The following PCDHGA5 variants were observed in gnomAD, a reference collection of about 807,000 sequenced individuals.
The protein encoded by PCDHGA5 is protocadherin gamma-A5.
Under a neutral mutation model 56.7 loss-of-function variants are expected in PCDHGA5, and 36 were observed. That is an observed-to-expected ratio of 0.64 (90% CI 0.49 to 0.84). The LOEUF is 0.84. Among genes scored for constraint, PCDHGA5 ranks in the 40% least tolerant of loss-of-function variants. The pLI is 0.00. For missense variants in PCDHGA5, 1,305 were observed against 1,201.5 expected, an observed-to-expected ratio of 1.09 and a Z score of -1.27; for synonymous variants, 563 against 520.2, an observed-to-expected ratio of 1.08 and a Z score of -1.12.
rs371964437 is a variant in PCDHGA5, at chr5:141,511,404, C to T, written c.*231C>T. On this transcript the variant is annotated 3_prime_UTR_variant, in exon 4 of 4. Coordinates refer to ENST00000518069, the MANE Select transcript of PCDHGA5 (RefSeq NM_018918.3). ...CCGCTGGGAACCCCCATCCAATCAA[C>T]TGCTGTACCCATGGGGGTAGTGGGG... The T allele has an allele frequency of 7.7e-5, 73 of 947,014 alleles. No individual in the cohort carries two copies. In the East Asian group the frequency reaches 1.8e-3, roughly 23 times the overall value. The allele number at this position is 947,014 out of a possible 1,614,324, so 58.7% of individuals were successfully genotyped here.
chr5:141,399,362 C>T (rs182743080), intron 1 of PCDHGA5: 5 of 1,613,990 alleles, frequency 3.1e-6, no homozygotes, highest in East Asian at 2.2e-5. Context: ...GAGCAAACCC[C>T]GGAGTACAAT....
chr5:141,415,920 G>T, intron 1 of PCDHGA5: 1 of 692,798 alleles, frequency 1.4e-6, no homozygotes, highest in Non-Finnish European at 2.0e-6. Context: ...AGAAGTGCCT[G>T]TCAATTTATA....
chr5:141,385,256 A>G lies in PCDHGA5; in HGVS notation c.2421+18505A>G, dbSNP rs779090806. On this transcript the variant is annotated intron_variant, in intron 1 of 3. Transcript: ENST00000518069. Reference sequence around the variant, plus strand: ...ATGCTCATCAGCCAGGAGAGCTGTGAGAAAAATGATTCTTTGCTAACATCC... The same window carrying G: ...ATGCTCATCAGCCAGGAGAGCTGTGGGAAAAATGATTCTTTGCTAACATCC... 7 of 1,613,794 alleles carry G rather than the reference A, an allele frequency of 4.3e-6. No homozygotes were observed. In the Admixed American group the frequency reaches 1.0e-4, roughly 23 times the overall value.
At chr5:141,430,808 G>A in intron 1 of PCDHGA5, 1 of 1,526,682 alleles carries the variant, frequency 6.6e-7, no homozygotes, top group East Asian at 2.3e-5. Flanking sequence ...TGTCCTGCTG[G>A]GAATCCTCCT....
chr5:141,487,491 C>A lies in PCDHGA5; in HGVS notation c.2422-7316C>A. On this transcript the variant is annotated intron_variant, in intron 1 of 3. Transcript: ENST00000518069. This position sits in a 1 kb window ranked among gnomAD's most constrained non-coding sequence, Gnocchi z 5.0. The stretch of plus-strand genomic sequence containing the variant: ...GTGGGAGGCCACTCTCATGGCTGTA[C>A]ACCCTTGGCTTCTGCACCCACTCGG... The A allele has an allele frequency of 6.2e-7, 1 of 1,614,204 alleles. No individual in the cohort carries two copies. The highest frequency in any genetic ancestry group is 8.5e-7 in the Non-Finnish European group (1 of 1,180,034).
At position 141,364,360 on chromosome 5, in the gene PCDHGA5, C is replaced by G. The variant is rs200312693; in HGVS notation, c.30C>G (p.Cys10Trp). 3.8e-6 allele frequency: 6 copies of G among 1,558,464 alleles called. No individual in the cohort carries two copies. The highest frequency in any genetic ancestry group is 1.7e-4 in the Middle Eastern group (1 of 5,766). The change falls in exon 1 of 4, where the codon TGC becomes TGG. Residue 10 changes from cysteine (C) to tryptophan (W), a missense_variant. Coordinates refer to ENST00000518069, the MANE Select transcript of PCDHGA5 (RefSeq NM_018918.3). ...CGAGTCCACCTAGGGGCTGGGGCTGCGGAGAGCTGCTGCTGCCCTTCATGC... is the reference window on the plus strand; with the variant it reads ...CGAGTCCACCTAGGGGCTGGGGCTGGGGAGAGCTGCTGCTGCCCTTCATGC... MASPPRGWG[C>W]GELLLPFMLL...
intron 1 of PCDHGA5, chr5:141,390,054 T>G (rs763200251): frequency 6.2e-7 from 1 of 1,614,070 alleles, no homozygotes; most frequent in Non-Finnish European, 8.5e-7. Context: ...CTCCTGGAGC[T>G]GCTTCCAGCC....
chr5:141,379,662 C>T (rs995589385), intron 1 of PCDHGA5: 1 of 152,126 alleles, frequency 6.6e-6, no homozygotes, highest in Non-Finnish European at 1.5e-5. Flanking sequence ...TCTACTCTCA[C>T]AAAAGTCATT....
At chr5:141,394,277 T>C (rs1209758237) in intron 1 of PCDHGA5, 1 of 1,613,946 alleles carries the variant, frequency 6.2e-7, no homozygotes, top group South Asian at 1.1e-5. Flanking sequence ...CCCAGGTCAC[T>C]TACTCTGTGA....
At chr5:141,394,530 A>C in intron 1 of PCDHGA5, 1 of 1,614,140 alleles carries the variant, frequency 6.2e-7, no homozygotes, top group African/African-American at 1.3e-5. Flanking sequence ...AGACGGTTCC[A>C]CTGGCGTGGA....
At chr5:141,414,137 T>C in intron 1 of PCDHGA5, 1 of 1,595,618 alleles carries the variant, frequency 6.3e-7, no homozygotes, top group South Asian at 1.1e-5. Context: ...TTCTATGAAA[T>C]AGAAATACAA....
chr5:141,375,428 C>T, intron 1 of PCDHGA5: 1 of 1,613,984 alleles, frequency 6.2e-7, no homozygotes, highest in Non-Finnish European at 8.5e-7. Flanking sequence ...CAACGACAAC[C>T]CGCCCACCTT....
chr5:141,365,687 C>T lies in PCDHGA5; in HGVS notation c.1357C>T (p.Pro453Ser). Reference protein sequence around the residue: ...ADVNDNPPNFPQASYSTSVTE... With the variant: ...ADVNDNPPNFSQASYSTSVTE... ...CGTTAATGACAACCCACCCAATTTCCCTCAAGCCTCCTACTCCACCTCTGT... is the reference window on the plus strand; with the variant it reads ...CGTTAATGACAACCCACCCAATTTCTCTCAAGCCTCCTACTCCACCTCTGT... Residue 453 changes from proline (P) to serine (S), a missense_variant, in exon 1 of 4, where the codon CCT (proline) becomes TCT (serine). By Grantham distance (74) the Pro-to-Ser change is moderately conservative. Coordinates refer to ENST00000518069, the MANE Select transcript of PCDHGA5 (RefSeq NM_018918.3). The T allele has an allele frequency of 6.2e-7, 1 of 1,613,530 alleles. No individual in the cohort carries two copies. The highest frequency in any genetic ancestry group is 8.5e-7 in the Non-Finnish European group (1 of 1,179,810).
At position 141,389,543 on chromosome 5, in the gene PCDHGA5, C is replaced by A. The variant is rs550025687; in HGVS notation, c.2421+22792C>A. 5.6e-6 allele frequency: 9 copies of A among 1,613,282 alleles called. No individual in the cohort carries two copies. In the East Asian group the frequency reaches 6.7e-5, roughly 12 times the overall value. ...GCCTGCGCGTGTTAGTGGACGACCG[C>A]AACGACAATGCGCCACGGGTGCTGT... On this transcript the variant is annotated intron_variant, in intron 1 of 3. Transcript: ENST00000518069.
At chr5:141,368,943 C>G (rs1765943914) in intron 1 of PCDHGA5, among the ~76,000 whole-genome samples, 1 of 152,178 alleles carries the variant, frequency 6.6e-6, no homozygotes, top group South Asian at 2.1e-4. Context: ...ATTCTGGTTA[C>G]TGTGAGTAGT....
rs748223478 is a variant in PCDHGA5 at position 141,415,687 on chromosome 5, G to T, written c.2421+48936G>T. ...TTACTTTGAAGTTTGCGGCATGATG[G>T]TGGAAAGTGTAAATGCTAAAACACT... On this transcript the variant is annotated intron_variant, in intron 1 of 3. Coordinates refer to ENST00000518069, the MANE Select transcript of PCDHGA5 (RefSeq NM_018918.3). 1.1e-5 allele frequency: 17 copies of T among 1,535,300 alleles called. No individual in the cohort carries two copies. In the South Asian group the frequency reaches 1.3e-4, roughly 12 times the overall value.
rs71576115 is a variant in PCDHGA5 at position 141,463,438 on chromosome 5, C to CTTTT, written c.2422-31344_2422-31341dup. Among the ~76,000 whole-genome samples, 106 of 103,254 alleles carry CTTTT rather than the reference C, an allele frequency of 1.0e-3. 8 individuals are homozygous for CTTTT. Among genetic ancestry groups the CTTTT allele is most frequent in the African/African-American group, 3.9e-3 (88 of 22,404 alleles). The allele number at this position is 103,254 out of a possible 152,430, so 67.7% of individuals were successfully genotyped here. ...GTTTGCGGATCCTCATTTCCTTCTC[C>CTTTT]TTTTTTTTTTTTTTTTTTTTTTTTT... is the stretch of plus-strand genomic sequence containing the variant. On this transcript the variant is annotated intron_variant, in intron 1 of 3. Transcript: ENST00000518069.
chr5:141,478,135 C>T (rs1307702473), intron 1 of PCDHGA5: 7 of 1,613,970 alleles, frequency 4.3e-6, no homozygotes, highest in African/African-American at 1.3e-5. Flanking sequence ...CTCCTGAAGC[C>T]CGAGCCGAGT....
At chr5:141,368,697 G>A (rs1765805391) in intron 1 of PCDHGA5, among the ~76,000 whole-genome samples, 1 of 152,072 alleles carries the variant, frequency 6.6e-6, no homozygotes, top group Admixed American at 6.5e-5. Flanking sequence ...ACTATAAAAT[G>A]CTTGATCCAT....
Sources: gnomAD v4.1 joint callset for allele counts (sites outside exome capture counted in the v4.1 genomes callset) on GRCh38, gnomAD v4.1.1 for gene constraint, Gnocchi (gnomAD v3.1) non-coding constraint, MANE v1.5 for transcripts, NCBI Gene and HGNC (gene_info 2026-07-23, HGNC 2026-07-21) for gene names.